Variants in GPRC6A observed in about 807,000 individuals in gnomAD.
GPRC6A encodes the protein G protein-coupled receptor class C group 6 member A, also known as G protein-coupled receptor family C group 6 member A.
Under a neutral mutation model 47.0 loss-of-function variants are expected in GPRC6A, and 54 were observed. The observed-to-expected ratio is 1.15, with a 90% CI of 0.92 to 1.44. GPRC6A has a LOEUF of 1.44. Ranked by LOEUF, GPRC6A falls within the 40% of genes most tolerant of loss-of-function variation. The pLI is 0.00. For synonymous variants in GPRC6A, 347 were observed against 377.1 expected, an observed-to-expected ratio of 0.92 and a Z score of 0.93; for missense variants, 1,112 against 1,105.5, an observed-to-expected ratio of 1.01 and a Z score of -0.08.
In GPRC6A at chr6:116,792,527, A is replaced by T; in HGVS notation, c.2396T>A (p.Ile799Asn). The part of the protein sequence containing the change: ...LIYFIAWITF[I>N]PIYATTFGKY... ...GCCAAATGTGGTAGCATAGATAGGGATGAATGTGATCCAAGCTATGAAGTA... is the reference window on the plus strand; with the variant it reads ...GCCAAATGTGGTAGCATAGATAGGGTTGAATGTGATCCAAGCTATGAAGTA... The change falls in exon 6 of 6, where the codon ATC (isoleucine) becomes AAC (asparagine). Residue 799 changes from isoleucine to asparagine, a missense_variant. By Grantham distance (149) the Ile-to-Asn change is moderately radical (BLOSUM62 -3). Transcript: ENST00000310357. 6.2e-7 allele frequency: 1 copy of T among 1,613,852 alleles called. No individual in the cohort carries two copies. The highest frequency in any genetic ancestry group is 8.5e-7 in the Non-Finnish European group (1 of 1,179,888).
chr6:116,807,350 C>A (rs1772882865), intron 2 of GPRC6A, 144 bp from the exon 3 acceptor site: 2 of 617,284 alleles, frequency 3.2e-6, no homozygotes, highest in East Asian at 2.6e-5. Flanking sequence ...CCTTACTTAG[C>A]CCCTGATGAT....
At chr6:116,809,086 C>T (rs1307273770) in intron 2 of GPRC6A, among the ~76,000 whole-genome samples, 1 of 152,200 alleles carries the variant, frequency 6.6e-6, no homozygotes, top group African/African-American at 2.4e-5. Flanking sequence ...CATTCCAACT[C>T]TGCACTTGCT....
chr6:116,793,355 A>G, intron 5 of GPRC6A, 105 bp from the exon 6 acceptor site: 1 of 695,098 alleles, frequency 1.4e-6, no homozygotes, highest in Non-Finnish European at 2.2e-6. Flanking sequence ...TGACTAGAGA[A>G]TAGATATAGA....
At chr6:116,818,825 T>G (rs1320519643) in intron 1 of GPRC6A, among the ~76,000 whole-genome samples, 2 of 151,454 alleles carry the variant, frequency 1.3e-5, no homozygotes, top group Non-Finnish European at 2.9e-5. Flanking sequence ...CCAGCTATCA[T>G]TATAATGACA....
At chr6:116,800,527 T>C (rs2114585985) in intron 4 of GPRC6A, 57 bp downstream of exon 4, 2 of 1,070,902 alleles carry the variant, frequency 1.9e-6, no homozygotes, top group East Asian at 2.4e-5. Context: ...CCAAGGACTT[T>C]TGCAGTTGAG....
Position 116,792,650 on chromosome 6 carries a change from T to C in GPRC6A, c.2273A>G (p.Tyr758Cys), listed in dbSNP as rs1379510080. 6.2e-7 allele frequency: 1 copy of C among 1,613,622 alleles called. No individual in the cohort carries two copies. Among genetic ancestry groups the C allele is most frequent in the Non-Finnish European group, 8.5e-7 (1 of 1,179,678 alleles). ...SILAFGTMLG[Y>C]IAILAFICFI... ...GCAAATGAAGGCCAGGATGGCAATGTAGCCCAGCATGGTGCCAAATGCAAG... is the reference window on the plus strand; with the variant it reads ...GCAAATGAAGGCCAGGATGGCAATGCAGCCCAGCATGGTGCCAAATGCAAG... Residue 758 changes from tyrosine (Y) to cysteine (C), a missense_variant, in exon 6 of 6, where the codon TAC becomes TGC. Transcript: ENST00000310357.
intron 4 of GPRC6A, among the ~76,000 whole-genome samples, chr6:116,797,697 TAAC>T (rs1478536930): frequency 1.3e-5 from 2 of 152,216 alleles, no homozygotes; most frequent in Non-Finnish European, 2.9e-5. Context: ...TAAGTATTGA[TAAC>T]AACAGTGTTT....
rs1475567340 is a variant in GPRC6A at position 116,792,590 on chromosome 6, T to C, written c.2333A>G (p.Tyr778Cys). Residue 778 changes from tyrosine (Y) to cysteine (C), a missense_variant, in exon 6 of 6, where the codon TAC becomes TGC. By Grantham distance (194) the Tyr-to-Cys change is radical. Transcript: ENST00000310357. ...IFAFKGKYEN[Y>C]NEAKFITFGM... is the part of the protein sequence containing the mutation. The stretch of plus-strand genomic sequence containing the variant: ...AAATGTAATGAATTTGGCTTCATTG[T>C]AATTCTCATATTTGCCTTTGAAAGC... 11 of 1,605,546 alleles carry C rather than the reference T, an allele frequency of 6.9e-6. No individual in the cohort carries two copies. Among genetic ancestry groups the C allele is most frequent in the Non-Finnish European group, 8.5e-6 (10 of 1,178,656 alleles).
chr6:116,820,243 G>C (rs1474349092), intron 1 of GPRC6A, among the ~76,000 whole-genome samples: 1 of 152,272 alleles, frequency 6.6e-6, no homozygotes, highest in Admixed American at 6.5e-5. Context: ...AAGAGTCCAG[G>C]ACCAGATGGA....
chr6:116,794,213 C>A (rs1772405366), intron 5 of GPRC6A, among the ~76,000 whole-genome samples: 1 of 152,116 alleles, frequency 6.6e-6, no homozygotes, highest in Non-Finnish European at 1.5e-5. Context: ...GTGTTCTCTT[C>A]TTTATTAACC....
At chr6:116,824,812 T>C (rs1050355076) in intron 1 of GPRC6A, among the ~76,000 whole-genome samples, 1 of 151,878 alleles carries the variant, frequency 6.6e-6, no homozygotes, top group African/African-American at 2.4e-5. Context: ...TAGACCAATA[T>C]CTCTGATGAA....
In GPRC6A at chr6:116,809,225, C is replaced by T. The variant is rs149649110; in HGVS notation, c.498+89G>A. On this transcript the variant is annotated intron_variant, in intron 2 of 5. Transcript: ENST00000310357. ...GAAAGAAAAGTTAAAGTAAAAGTGA[C>T]TCCCTAACTAGTTTCCTCAGGTTTC... 637 of 966,144 alleles carry T rather than the reference C, an allele frequency of 6.6e-4. 3 individuals are homozygous for T. In the African/African-American group the frequency reaches 8.9e-3, roughly 14 times the overall value. The allele number at this position is 966,144 out of a possible 1,614,324, so 59.8% of individuals were successfully genotyped here. A position where few individuals can be genotyped will look rare whatever the true frequency, so the allele number is the denominator to read the frequency against.
In GPRC6A at chr6:116,792,401, T is replaced by C; in HGVS notation, c.2522A>G (p.Gln841Arg). Residue 841 changes from glutamine (Q) to arginine (R), a missense_variant, in exon 6 of 6, where the codon CAA (glutamine) becomes CGA (arginine). Physicochemically the swap from Gln to Arg is conservative, Grantham distance 43. Coordinates refer to ENST00000310357, the MANE Select transcript of GPRC6A (RefSeq NM_148963.4). ...IPKCYVIICK[Q>R]EINTKSAFLK... ...AAAGGCAGACTTTGTGTTAATCTCT[T>C]GCTTACAAATAATAACATAGCATTT... is the stretch of plus-strand genomic sequence containing the variant. 1 of 1,614,076 alleles carries C rather than the reference T, an allele frequency of 6.2e-7. No homozygotes were observed. Among genetic ancestry groups the C allele is most frequent in the Non-Finnish European group, 8.5e-7 (1 of 1,179,966 alleles).
Position 116,809,367 on chromosome 6 carries a change from A to T in GPRC6A, c.445T>A (p.Ser149Thr). The change falls in exon 2 of 6, where the codon TCA becomes ACA. Residue 149 changes from serine to threonine, a missense_variant. Transcript: ENST00000310357. ...CTGGAGACAGCCATAGTTATTTCTG[A>T]GTACCCAGAACCTATGACAGCCTTA... ...RVKAVIGSGY[S>T]EITMAVSRML... 1 of 1,613,564 alleles carries T rather than the reference A, an allele frequency of 6.2e-7. No homozygotes were observed. The highest frequency in any genetic ancestry group is 8.5e-7 in the Non-Finnish European group (1 of 1,179,604).
chr6:116,796,998 G>T (rs1188354336), intron 4 of GPRC6A, among the ~76,000 whole-genome samples: 1 of 152,078 alleles, frequency 6.6e-6, no homozygotes, highest in Non-Finnish European at 1.5e-5. Context: ...TCGTCATCTA[G>T]CATTAGGTAT....
At chr6:116,813,742 G>A (rs942313848) in intron 1 of GPRC6A, among the ~76,000 whole-genome samples, 1 of 152,122 alleles carries the variant, frequency 6.6e-6, no homozygotes, top group African/African-American at 2.4e-5. Context: ...GGCAACAAAA[G>A]CCAAAATAGA....
At chr6:116,815,355 C>T (rs1387052054) in intron 1 of GPRC6A, among the ~76,000 whole-genome samples, 3 of 152,134 alleles carry the variant, frequency 2.0e-5, no homozygotes, top group African/African-American at 7.2e-5. Context: ...TGGTGGTACA[C>T]ACCTGTGATC....
intron 1 of GPRC6A, among the ~76,000 whole-genome samples, chr6:116,818,282 C>T (rs1476647476): frequency 1.3e-5 from 2 of 151,822 alleles, no homozygotes; most frequent in East Asian, 1.9e-4. Flanking sequence ...CGCCTGTAAT[C>T]CCAGCACTTT....
At chr6:116,805,779 A>G (rs1772815841) in intron 3 of GPRC6A, among the ~76,000 whole-genome samples, 1 of 152,050 alleles carries the variant, frequency 6.6e-6, no homozygotes, top group Admixed American at 6.6e-5. Context: ...TTTGAAGAAA[A>G]CTGGAGTCCA....
Sources: allele counts gnomAD v4.1 joint callset (sites outside exome capture counted in the v4.1 genomes callset), GRCh38; gene constraint gnomAD v4.1.1; transcripts MANE v1.5; gene names NCBI Gene and HGNC (gene_info 2026-07-23, HGNC 2026-07-21).